Variants in ZNF813 observed in about 807,000 individuals in gnomAD.
ZNF813 encodes the protein zinc finger protein 813.
Under a neutral mutation model 7.2 loss-of-function variants are expected in ZNF813, and 3 were observed. The observed-to-expected ratio is 0.42, with a 90% confidence interval of 0.19 to 1.08. The LOEUF (loss-of-function observed/expected upper bound fraction) is 1.08, where lower values mean the gene tolerates loss of function less well. ZNF813 is among the 50% of genes least tolerant of loss of function. ZNF813 has a pLI of 0.30. For synonymous variants in ZNF813, 227 were observed against 256.3 expected, an observed-to-expected ratio of 0.89 and a Z score of 1.09; for missense variants, 714 against 753.3, an observed-to-expected ratio of 0.95 and a Z score of 0.61.
rs757907454 is a variant in ZNF813, at chr19:53,494,237, A to G, written c.*2151A>G. Reference sequence around the variant, plus strand: ...AAATACATATTTTGCATATTATGAGAAAATTGTGTATGAATTTCCCAGTTT... The same window carrying G: ...AAATACATATTTTGCATATTATGAGGAAATTGTGTATGAATTTCCCAGTTT... On this transcript the variant is annotated 3_prime_UTR_variant, in exon 4 of 4. Transcript: ENST00000396403. 4 of 152,204 alleles carry G rather than the reference A, an allele frequency of 2.6e-5. No homozygotes were observed. Among genetic ancestry groups the G allele is most frequent in the Non-Finnish European group, 5.9e-5 (4 of 68,044 alleles). The allele number at this position is 152,204 out of a possible 1,614,324, so 9.4% of individuals were successfully genotyped here. A position where few individuals can be genotyped will look rare whatever the true frequency, so the allele number is the denominator to read the frequency against.
At chr19:53,470,185 C>CCTTCCTTCCTTCCTTCCT (rs1568825797) in intron 1 of ZNF813, among the ~76,000 whole-genome samples, 5 of 113,834 alleles carry the variant, frequency 4.4e-5, no homozygotes, top group Admixed American at 8.7e-5. Flanking sequence ...TTCTTTCTTT[C>CCTTCCTTCCTTCCTTCCT]TTTCACTCTT....
At chr19:53,481,199 T>TCTGG (rs935357099) in intron 1 of ZNF813, among the ~76,000 whole-genome samples, 4 of 152,202 alleles carry the variant, frequency 2.6e-5, no homozygotes, top group South Asian at 2.1e-4. Context: ...AAGCAGCAAG[T>TCTGG]CTGGGCACAT....
At chr19:53,488,695 A>G (rs1487213552) in intron 3 of ZNF813, among the ~76,000 whole-genome samples, 1 of 151,696 alleles carries the variant, frequency 6.6e-6, no homozygotes, top group East Asian at 1.9e-4. Context: ...CTGGGATTAC[A>G]GGCGTGAGCC....
At chr19:53,469,928 G>C (rs185104054) in intron 1 of ZNF813, among the ~76,000 whole-genome samples, 3 of 151,546 alleles carry the variant, frequency 2.0e-5, no homozygotes, top group East Asian at 1.9e-4. Context: ...CTTAAGGTAC[G>C]CACCGGCTCA....
At chr19:53,476,739 C>T (rs1335098316) in intron 1 of ZNF813, among the ~76,000 whole-genome samples, 4 of 152,026 alleles carry the variant, frequency 2.6e-5, no homozygotes, top group East Asian at 2.0e-4. Flanking sequence ...CTGCAAGCTC[C>T]GCCTCCTCCC....
At chr19:53,474,885 AT>A (rs1271357371) in intron 1 of ZNF813, among the ~76,000 whole-genome samples, 2 of 152,136 alleles carry the variant, frequency 1.3e-5, no homozygotes, top group African/African-American at 4.8e-5. Flanking sequence ...GATTTGGAGT[AT>A]AACTTGGGTT....
In ZNF813 at chr19:53,490,807, A is replaced by G. The variant is rs3859494; in HGVS notation, c.575A>G (p.Tyr192Cys). Reference protein sequence around the residue: ...CRPKTHISNNYGNNFRNSSLL... With the variant: ...CRPKTHISNNCGNNFRNSSLL... ...CCCAAAACCCATATTTCTAATAACT[A>G]TGGGAATAATTTCCGGAATTCTTCG... Residue 192 changes from tyrosine to cysteine, a missense_variant, in exon 4 of 4, where the codon TAT (tyrosine) becomes TGT (cysteine). By Grantham distance (194) the Tyr-to-Cys change is radical. Coordinates refer to ENST00000396403, the MANE Select transcript of ZNF813 (RefSeq NM_001004301.4). The G allele has an allele frequency of 0.11, 175,633 of 1,614,052 alleles. 10,347 individuals are homozygous for G. Among genetic ancestry groups the G allele is most frequent in the African/African-American group, 0.19 (14,226 of 74,980 alleles).
intron 1 of ZNF813, among the ~76,000 whole-genome samples, chr19:53,473,151 G>A (rs1429221784): frequency 2.6e-5 from 4 of 152,166 alleles, no homozygotes; most frequent in East Asian, 1.9e-4. Context: ...TGAGCACAAC[G>A]ACAGAACAAT....
intron 1 of ZNF813, among the ~76,000 whole-genome samples, chr19:53,470,095 C>T (rs112113985): frequency 0.013 from 2,037 of 152,166 alleles, 29 homozygotes; most frequent in Middle Eastern, 0.037. Context: ...GGTGGTCTTG[C>T]AGCTGCATTG....
chr19:53,495,662 T>G lies in ZNF813; in HGVS notation c.*3576T>G, dbSNP rs2086483846. ...CCCGTCTCTACTAAAAATACAAAAA[T>G]TAGCTGGGTGTGGTGGCGGGTGCTT... is the stretch of plus-strand genomic sequence containing the variant. On this transcript the variant is annotated 3_prime_UTR_variant, in exon 4 of 4. Coordinates refer to ENST00000396403, the MANE Select transcript of ZNF813 (RefSeq NM_001004301.4). 1.3e-5 allele frequency: 2 copies of G among 151,992 alleles called. No individual in the cohort carries two copies. The highest frequency in any genetic ancestry group is 2.4e-5 in the African/African-American group (1 of 41,272). The allele number at this position is 151,992 out of a possible 1,614,324, so 9.4% of individuals were successfully genotyped here. A position where few individuals can be genotyped will look rare whatever the true frequency, so the allele number is the denominator to read the frequency against.
intron 1 of ZNF813, among the ~76,000 whole-genome samples, chr19:53,472,611 CTTT>C (rs1166123869): frequency 3.1e-5 from 4 of 128,396 alleles, no homozygotes; most frequent in Admixed American, 8.1e-5. Context: ...ACAAGTCTTT[CTTT>C]TTTTTTTTTT....
intron 1 of ZNF813, among the ~76,000 whole-genome samples, chr19:53,475,717 C>G (rs974244585): frequency 1.3e-5 from 2 of 152,222 alleles, no homozygotes; most frequent in African/African-American, 4.8e-5. Flanking sequence ...GGCAAAGAGG[C>G]CATCTTAACA....
chr19:53,489,804 T>C (rs963923861), intron 3 of ZNF813, among the ~76,000 whole-genome samples: 1 of 152,050 alleles, frequency 6.6e-6, no homozygotes, highest in Non-Finnish European at 1.5e-5. Context: ...GTTCAAGCGA[T>C]TCTTGTGCCT....
At chr19:53,485,608 CGTG>C (rs902740507) in intron 2 of ZNF813, among the ~76,000 whole-genome samples, 47 of 68,954 alleles carry the variant, frequency 6.8e-4, no homozygotes, top group South Asian at 9.6e-4. Flanking sequence ...TGATATATAT[CGTG>C]ATATATACAT....
At chr19:53,474,494 A>C (rs1007266092) in intron 1 of ZNF813, among the ~76,000 whole-genome samples, 1 of 152,100 alleles carries the variant, frequency 6.6e-6, no homozygotes, top group Non-Finnish European at 1.5e-5. Context: ...CAAGACCAGT[A>C]TGAGCAACAT....
intron 2 of ZNF813, among the ~76,000 whole-genome samples, chr19:53,484,659 G>A (rs1366326895): frequency 1.3e-5 from 2 of 152,226 alleles, no homozygotes; most frequent in African/African-American, 4.8e-5. Flanking sequence ...CCATCTTCCA[G>A]GTTCAAGTGA....
At position 53,491,479 on chromosome 19, in the gene ZNF813, G is replaced by A; in HGVS notation, c.1247G>A (p.Cys416Tyr). The A allele has an allele frequency of 1.2e-6, 2 of 1,614,128 alleles. No homozygotes were observed. The highest frequency in any genetic ancestry group is 1.1e-5 in the South Asian group (1 of 91,068). The change falls in exon 4 of 4, where the codon TGT (cysteine) becomes TAT (tyrosine). Residue 416 changes from cysteine to tyrosine, a missense_variant. This residue lies in a region of ZNF813 where 563 missense variants were observed against 554.2 expected (regional missense o/e 1.02). Transcript: ENST00000396403. ...TGEKPYKCNE[C>Y]GKVFNKKANL... ...GAGAAGCCTTACAAGTGTAATGAAT[G>A]TGGCAAGGTTTTTAATAAAAAGGCA...
At position 53,491,095 on chromosome 19, in the gene ZNF813, G is replaced by T; in HGVS notation, c.863G>T (p.Cys288Phe). 3 of 1,614,080 alleles carry T rather than the reference G, an allele frequency of 1.9e-6. No homozygotes were observed. The highest frequency in any genetic ancestry group is 2.5e-6 in the Non-Finnish European group (3 of 1,179,982). Residue 288 changes from cysteine to phenylalanine, a missense_variant, in exon 4 of 4, where the codon TGC (cysteine) becomes TTC (phenylalanine). Transcript: ENST00000396403. Reference sequence around the variant, plus strand: ...TTCAGTCAGACGTATTCCCTTACATGCCATCGTAGACTTCATACTGGAGAG... The same window carrying T: ...TTCAGTCAGACGTATTCCCTTACATTCCATCGTAGACTTCATACTGGAGAG... ...KTFSQTYSLT[C>F]HRRLHTGEKP...
intron 1 of ZNF813, among the ~76,000 whole-genome samples, chr19:53,480,499 G>A (rs1157130877): frequency 6.6e-6 from 1 of 151,860 alleles, no homozygotes; most frequent in Non-Finnish European, 1.5e-5. Context: ...ATTTTTGAAA[G>A]ACAATTTCTA....
Sources: allele counts gnomAD v4.1 joint callset (sites outside exome capture counted in the v4.1 genomes callset), GRCh38; gene constraint gnomAD v4.1.1; regional missense constraint gnomAD v4.1.1; transcripts MANE v1.5; gene names NCBI Gene and HGNC (gene_info 2026-07-23, HGNC 2026-07-21).